Variants in SLC4A4 observed in about 807,000 individuals in gnomAD.
The protein encoded by SLC4A4 is electrogenic sodium bicarbonate cotransporter 1.
Under a neutral mutation model 111.5 loss-of-function variants are expected in SLC4A4, and 27 were observed. The ratio of observed to expected loss-of-function variants is 0.24; its 90% CI spans 0.18 to 0.33. SLC4A4 has a LOEUF of 0.33. Among genes scored for constraint, SLC4A4 ranks in the 10% least tolerant of loss-of-function variants. The pLI is 1.00. For missense variants in SLC4A4, 909 were observed against 1,315.5 expected (o/e 0.69, Z 4.78); for synonymous variants, 443 against 463.4 (o/e 0.96, Z 0.57).
chr4:71,476,643 G>A (rs567305501), intron 14 of SLC4A4, among the ~76,000 whole-genome samples: 11 of 151,144 alleles, frequency 7.3e-5, no homozygotes, highest in East Asian at 3.9e-4. Flanking sequence ...TTTTTCTTTC[G>A]TCTTCTCACT....
chr4:71,079,931 T>C (rs1741947235), intron 1 of SLC4A4, among the ~76,000 whole-genome samples: 1 of 151,292 alleles, frequency 6.6e-6, no homozygotes, highest in Non-Finnish European at 1.5e-5. Context: ...GTATAAGGAC[T>C]CTTGGGGCTG....
At chr4:71,144,848 CT>C (rs1744119013) in intron 2 of SLC4A4, among the ~76,000 whole-genome samples, 1 of 152,164 alleles carries the variant, frequency 6.6e-6, no homozygotes, top group Non-Finnish European at 1.5e-5. Flanking sequence ...GGATTTTGGA[CT>C]GAGACGATGG....
At chr4:71,359,038 T>G in intron 6 of SLC4A4, among the ~76,000 whole-genome samples, 1 of 152,228 alleles carries the variant, frequency 6.6e-6, no homozygotes, top group East Asian at 1.9e-4. Context: ...CAGGAGGCTT[T>G]CTACCAATAT....
chr4:71,403,370 C>T (rs542393209), intron 7 of SLC4A4, among the ~76,000 whole-genome samples: 3 of 152,110 alleles, frequency 2.0e-5, no homozygotes, highest in Non-Finnish European at 4.4e-5. Context: ...GTGAATGAAA[C>T]AGATAAATCT....
intron 21 of SLC4A4, 98 bp downstream of exon 21, chr4:71,555,306 A>G (rs1736375844): frequency 6.0e-6 from 5 of 835,046 alleles, no homozygotes; most frequent in South Asian, 5.4e-5. Flanking sequence ...ATCATTATTA[A>G]CTGCTGAGTT....
intron 1 of SLC4A4, among the ~76,000 whole-genome samples, chr4:71,225,337 AC>A (rs1718978893): frequency 6.6e-6 from 1 of 151,876 alleles, no homozygotes; most frequent in Admixed American, 6.6e-5. Context: ...GGGTGACAGA[AC>A]AAGACTCCGT....
At chr4:71,197,708 T>C (rs527971715) in intron 1 of SLC4A4, among the ~76,000 whole-genome samples, 2 of 152,332 alleles carry the variant, frequency 1.3e-5, no homozygotes, top group African/African-American at 4.8e-5. Flanking sequence ...ACATGTACCC[T>C]AGAACTTAAA....
chr4:71,194,030 A>G (rs1560771776), intron 1 of SLC4A4, among the ~76,000 whole-genome samples: 1 of 152,258 alleles, frequency 6.6e-6, no homozygotes, highest in Non-Finnish European at 1.5e-5. Context: ...AGAAACATGC[A>G]GAACTTGTCC....
intron 2 of SLC4A4, among the ~76,000 whole-genome samples, chr4:71,093,262 G>T (rs9993873): frequency 0.092 from 13,867 of 151,450 alleles, 786 homozygotes; most frequent in African/African-American, 0.16. Flanking sequence ...CTACCTCCCA[G>T]GTTCAAGCAA....
In SLC4A4 at chr4:71,275,160, C is replaced by A. The variant is rs529728479; in HGVS notation, c.253+19761C>A. 2.1e-3 allele frequency among the ~76,000 whole-genome samples: 314 copies of A among 152,282 alleles called. 1 individual carries two copies. The highest frequency in any genetic ancestry group is 4.8e-3 in the South Asian group (23 of 4,826). On this transcript the variant is annotated intron_variant, in intron 3 of 25. Coordinates refer to ENST00000264485, the MANE Select transcript of SLC4A4 (RefSeq NM_001098484.3). ...CAGGAGTGAACCCAAAGGACTCAGGCACAGGAAATGTCTTTGCTTTAATTG... is the reference window on the plus strand; with the variant it reads ...CAGGAGTGAACCCAAAGGACTCAGGAACAGGAAATGTCTTTGCTTTAATTG...
upstream of SLC4A4, chr4:71,186,664 G>A (rs1578563772): frequency 6.6e-6 from 1 of 151,636 alleles, no homozygotes; most frequent in East Asian, 1.9e-4. Flanking sequence ...GCAGCGGCCC[G>A]GAGCGGTGGG....
At chr4:71,473,000 C>T (rs550802365) in intron 14 of SLC4A4, 30 bp downstream of exon 14, 7 of 1,612,190 alleles carry the variant, frequency 4.3e-6, no homozygotes, top group East Asian at 2.2e-5. Flanking sequence ...TGTTTATGCT[C>T]GCTTTGTATT....
intron 20 of SLC4A4, 45 bp downstream of exon 20, chr4:71,547,765 A>G (rs771967248): frequency 4.3e-5 from 63 of 1,459,648 alleles, no homozygotes; most frequent in African/African-American, 8.4e-5. Flanking sequence ...GAACACTGAC[A>G]TATAATTGGA....
At chr4:71,422,034 T>C (rs1160422986) in intron 7 of SLC4A4, among the ~76,000 whole-genome samples, 4 of 151,098 alleles carry the variant, frequency 2.6e-5, no homozygotes, top group Non-Finnish European at 3.0e-5. Flanking sequence ...TTCAAAAAAT[T>C]AATGAATCCA....
intron 1 of SLC4A4, among the ~76,000 whole-genome samples, chr4:71,209,237 T>C (rs1322757966): frequency 1.3e-5 from 2 of 152,242 alleles, no homozygotes; most frequent in Admixed American, 6.5e-5. Flanking sequence ...TGTCTAACTT[T>C]TGAAATGAAC....
At chr4:71,135,409 C>T (rs899281966) in intron 2 of SLC4A4, among the ~76,000 whole-genome samples, 5 of 151,164 alleles carry the variant, frequency 3.3e-5, no homozygotes, top group Non-Finnish European at 7.4e-5. Context: ...GGTTCTCCTG[C>T]CTCAGCCTCC....
chr4:71,182,032 A>G, intron 2 of SLC4A4, among the ~76,000 whole-genome samples: 1 of 152,224 alleles, frequency 6.6e-6, no homozygotes, highest in Non-Finnish European at 1.5e-5. Flanking sequence ...TGCATTTAGC[A>G]TTCCAAGATA....
At chr4:71,193,333 G>A (rs1745829441) in intron 1 of SLC4A4, among the ~76,000 whole-genome samples, 2 of 152,084 alleles carry the variant, frequency 1.3e-5, no homozygotes, top group South Asian at 2.1e-4. Context: ...CTAATTTTTT[G>A]TATTTTTAGT....
At chr4:71,373,005 A>G (rs910797105) in intron 6 of SLC4A4, among the ~76,000 whole-genome samples, 2 of 152,184 alleles carry the variant, frequency 1.3e-5, no homozygotes, top group African/African-American at 4.8e-5. Context: ...TTCTGGAATT[A>G]AACAATTCAA....
Sources: allele counts gnomAD v4.1 joint callset (sites outside exome capture counted in the v4.1 genomes callset), GRCh38; gene constraint gnomAD v4.1.1; transcripts MANE v1.5; gene names NCBI Gene and HGNC (gene_info 2026-07-23, HGNC 2026-07-21).